Variants in CDH18 observed in about 807,000 individuals in gnomAD.
The protein encoded by CDH18 is cadherin-18.
A neutral mutation model predicts 67.9 loss-of-function variants in CDH18; 31 were observed. That is an observed-to-expected ratio of 0.46 (90% confidence interval 0.34 to 0.62). The LOEUF (loss-of-function observed/expected upper bound fraction) is 0.62. Among genes scored for constraint, CDH18 ranks in the 20% least tolerant of loss-of-function variants. The pLI, the probability that CDH18 is intolerant of heterozygous loss-of-function variation, is 0.01. For synonymous variants in CDH18, 362 were observed against 347.2 expected, an observed-to-expected ratio of 1.04 and a Z score of -0.48; for missense variants, 890 against 975.5, an observed-to-expected ratio of 0.91 and a Z score of 1.17.
chr5:20,521,360 A>C (rs1453564670), intron 1 of CDH18, among the ~76,000 whole-genome samples: 1 of 152,194 alleles, frequency 6.6e-6, no homozygotes, highest in Non-Finnish European at 1.5e-5. Context: ...TTCTGTCCAC[A>C]AAGTGTTTCA....
chr5:19,543,946 C>G lies in CDH18; in HGVS notation c.1313G>C (p.Gly438Ala), dbSNP rs1735860401. 3.1e-6 allele frequency: 5 copies of G among 1,595,100 alleles called. No homozygotes were observed. Among genetic ancestry groups the G allele is most frequent in the Non-Finnish European group, 4.3e-6 (5 of 1,166,054 alleles). ...DRFFNIDANT[G>A]TIRTTKVLDR... The stretch of plus-strand genomic sequence containing the variant: ...GAGAACCTTTGTAGTCCTAATGGTC[C>G]CAGTATTGGCATCAATGTTGAAAAA... The change falls in exon 9 of 13, where the codon GGG (glycine) becomes GCG (alanine). Residue 438 changes from glycine to alanine, a missense_variant. Coordinates refer to ENST00000382275, the MANE Select transcript of CDH18 (RefSeq NM_004934.5).
At chr5:19,564,725 G>C (rs1478893217) in intron 8 of CDH18, among the ~76,000 whole-genome samples, 1 of 152,092 alleles carries the variant, frequency 6.6e-6, no homozygotes, top group Non-Finnish European at 1.5e-5. Context: ...ATACCAGCTT[G>C]ACCACAGAGG....
intron 6 of CDH18, among the ~76,000 whole-genome samples, chr5:19,596,719 A>G (rs1746231909): frequency 1.3e-5 from 2 of 152,232 alleles, no homozygotes. Context: ...TTCCTGGTAC[A>G]GGCAGATTAT....
intron 1 of CDH18, among the ~76,000 whole-genome samples, chr5:20,423,185 A>C (rs533513318): frequency 6.6e-6 from 1 of 151,372 alleles, no homozygotes; most frequent in African/African-American, 2.5e-5. Context: ...GCAATCCAGC[A>C]AGCAGGCATG....
At chr5:20,079,075 A>G (rs1267838721) in intron 2 of CDH18, among the ~76,000 whole-genome samples, 1 of 152,174 alleles carries the variant, frequency 6.6e-6, no homozygotes, top group Non-Finnish European at 1.5e-5. Flanking sequence ...CTTTGTAATG[A>G]TGATATTTAA....
At chr5:20,435,923 T>C (rs186521474) in intron 1 of CDH18, among the ~76,000 whole-genome samples, 2 of 152,046 alleles carry the variant, frequency 1.3e-5, no homozygotes, top group South Asian at 2.1e-4. Context: ...ATCATTATTA[T>C]CATCACGTTT....
At chr5:20,562,641 C>G (rs139801856) in intron 1 of CDH18, among the ~76,000 whole-genome samples, 1 of 151,494 alleles carries the variant, frequency 6.6e-6, no homozygotes, top group East Asian at 1.9e-4. Flanking sequence ...TTATTTTCTT[C>G]TCTTAAAGGT....
chr5:19,532,905 A>G (rs1580055430), intron 9 of CDH18, among the ~76,000 whole-genome samples: 1 of 152,214 alleles, frequency 6.6e-6, no homozygotes, highest in Non-Finnish European at 1.5e-5. Flanking sequence ...AAAGATAGAT[A>G]AGACATCTGA....
At chr5:19,907,172 T>TA (rs953335652) in intron 2 of CDH18, among the ~76,000 whole-genome samples, 22 of 152,068 alleles carry the variant, frequency 1.4e-4, no homozygotes, top group African/African-American at 5.3e-4. Flanking sequence ...CATTGCCATA[T>TA]AAAAAAATTC....
chr5:20,393,362 T>C (rs948221392), intron 1 of CDH18, among the ~76,000 whole-genome samples: 16 of 151,978 alleles, frequency 1.1e-4, no homozygotes, highest in African/African-American at 3.1e-4. Flanking sequence ...CCCTGTGACA[T>C]AGAATATGTT....
At position 20,401,615 on chromosome 5, in the gene CDH18, T is replaced by C. The variant is rs528484117; in HGVS notation, c.-579-146110A>G. ...ATAAAGAAACCACACACTTATATAC[T>C]TAGTTGATCAAATTATAAAATAGAA... On this transcript the variant is annotated intron_variant, in intron 1 of 14. Transcript: ENST00000507958. Among the ~76,000 whole-genome samples the C allele has an allele frequency of 2.6e-4, 40 of 152,300 alleles. No homozygotes were observed. The South Asian group carries it at 8.1e-3, about 31-fold the overall frequency.
intron 8 of CDH18, among the ~76,000 whole-genome samples, chr5:19,556,708 A>G (rs937132527): frequency 3.3e-5 from 5 of 152,180 alleles, no homozygotes; most frequent in Non-Finnish European, 7.4e-5. Flanking sequence ...CATTTGAGGG[A>G]ATAATTGCAG....
chr5:19,891,758 C>T (rs1911850), intron 2 of CDH18, among the ~76,000 whole-genome samples: 47,071 of 152,020 alleles, frequency 0.31, 8,111 homozygotes, highest in South Asian at 0.4. Context: ...ATGATACAAA[C>T]CTCCAGCCTG....
chr5:20,500,767 A>T (rs901009557), intron 1 of CDH18, among the ~76,000 whole-genome samples: 1 of 152,180 alleles, frequency 6.6e-6, no homozygotes, highest in African/African-American at 2.4e-5. Context: ...ATAAGGCTAT[A>T]AGATGAAGTG....
rs534933591 is a variant in CDH18 at position 19,569,627 on chromosome 5, C to T, written c.1253+1952G>A. Reference sequence around the variant, plus strand: ...TCATGAGGACTACTATAATATCGCACGTTACAAGTGATTAAAACATAGTCT... The same window carrying T: ...TCATGAGGACTACTATAATATCGCATGTTACAAGTGATTAAAACATAGTCT... On this transcript the variant is annotated intron_variant, in intron 8 of 12. Coordinates refer to ENST00000382275, the MANE Select transcript of CDH18 (RefSeq NM_004934.5). Among the ~76,000 whole-genome samples the T allele has an allele frequency of 1.1e-3, 167 of 152,154 alleles. 2 individuals are homozygous for T. Among genetic ancestry groups the T allele is most frequent in the African/African-American group, 3.9e-3 (162 of 41,544 alleles).
intron 2 of CDH18, among the ~76,000 whole-genome samples, chr5:19,873,022 A>G (rs1205082296): frequency 6.6e-6 from 1 of 152,112 alleles, no homozygotes; most frequent in Non-Finnish European, 1.5e-5. Flanking sequence ...AGTGAAGGGG[A>G]ATCTGGTCTG....
chr5:19,500,599 A>C (rs1021872161), intron 11 of CDH18, among the ~76,000 whole-genome samples: 2 of 152,212 alleles, frequency 1.3e-5, no homozygotes, highest in Non-Finnish European at 2.9e-5. Context: ...ATACTCAAAA[A>C]TTGTAAAAAT....
At chr5:19,999,363 G>C in intron 2 of CDH18, among the ~76,000 whole-genome samples, 1 of 152,136 alleles carries the variant, frequency 6.6e-6, no homozygotes, top group East Asian at 1.9e-4. Flanking sequence ...ACTTTGGAAG[G>C]CCAAGGCGGG....
intron 1 of CDH18, among the ~76,000 whole-genome samples, chr5:20,516,793 C>G (rs187278241): frequency 6.6e-6 from 1 of 151,152 alleles, no homozygotes; most frequent in African/African-American, 2.4e-5. Flanking sequence ...TATTTTTTTT[C>G]GGATTGCCGT....
Sources: allele counts gnomAD v4.1 joint callset (sites outside exome capture counted in the v4.1 genomes callset), GRCh38; gene constraint gnomAD v4.1.1; transcripts MANE v1.5; gene names NCBI Gene and HGNC (gene_info 2026-07-23, HGNC 2026-07-21).